SPRED1: variants seen among roughly 807,000 people sequenced by gnomAD.
The protein encoded by SPRED1 is sprouty-related, EVH1 domain-containing protein 1.
A neutral mutation model predicts 52.3 loss-of-function variants in SPRED1; 18 were observed. The ratio of observed to expected loss-of-function variants is 0.34; its 90% CI spans 0.24 to 0.51. The LOEUF (loss-of-function observed/expected upper bound fraction) is 0.51, where lower values mean the gene tolerates loss of function less well. SPRED1 is among the 20% of genes least tolerant of loss of function. The pLI, the probability that SPRED1 is intolerant of heterozygous loss-of-function variation, is 0.97. For missense variants in SPRED1, 485 were observed against 551.0 expected (o/e 0.88, Z 1.20); for synonymous variants, 155 against 179.7 (o/e 0.86, Z 1.10).
At chr15:38,253,285 C>A in intron 1 of SPRED1, 68 bp downstream of exon 1, 2 of 1,476,614 alleles carry the variant, frequency 1.4e-6, no homozygotes, top group East Asian at 2.5e-5. Context: ...TCCCCCAGAC[C>A]CATCCGAAAC....
chr15:38,260,344 T>C lies in SPRED1; in HGVS notation c.32+7127T>C, dbSNP rs1042469542. Among the ~76,000 whole-genome samples the C allele has an allele frequency of 7.9e-5, 12 of 152,342 alleles. No individual in the cohort carries two copies. The East Asian group carries it at 2.3e-3, about 29-fold the overall frequency. On this transcript the variant is annotated intron_variant, in intron 1 of 6. Transcript: ENST00000299084. ...CATCATCACATGGCGGTGTTCTCCC[T>C]GTGTGTTTCTATCTTCATTTGAGTG... is the stretch of plus-strand genomic sequence containing the variant.
At chr15:38,309,215 G>T (rs1240791725) in intron 2 of SPRED1, among the ~76,000 whole-genome samples, 1 of 151,920 alleles carries the variant, frequency 6.6e-6, no homozygotes, top group East Asian at 1.9e-4. Context: ...ATCTTGGCTC[G>T]CTACAACCTC....
chr15:38,348,679 A>C (rs1379159431), intron 5 of SPRED1, among the ~76,000 whole-genome samples: 1 of 152,138 alleles, frequency 6.6e-6, no homozygotes, highest in Non-Finnish European at 1.5e-5. Flanking sequence ...AGAAGTAAAC[A>C]AGATTGCCAA....
intron 2 of SPRED1, among the ~76,000 whole-genome samples, chr15:38,318,669 A>T (rs999384179): frequency 6.6e-6 from 1 of 152,148 alleles, no homozygotes; most frequent in Non-Finnish European, 1.5e-5. Context: ...CCCTCTTATA[A>T]GTAAGAACAT....
In SPRED1 at chr15:38,351,585, G is replaced by A; in HGVS notation, c.1256G>A (p.Cys419Tyr). The change falls in exon 7 of 7, where the codon TGC becomes TAC. Residue 419 changes from cysteine to tyrosine, a missense_variant. Physicochemically the swap from Cys to Tyr is radical, Grantham distance 194. Transcript: ENST00000299084. ...ALSFIVPCMCCYVPLRMCHRC... is the reference protein window; with the variant it reads ...ALSFIVPCMCYYVPLRMCHRC... ...TCTTTCATTGTACCATGTATGTGCTGCTACGTCCCTTTGAGAATGTGCCAT... is the reference window on the plus strand; with the variant it reads ...TCTTTCATTGTACCATGTATGTGCTACTACGTCCCTTTGAGAATGTGCCAT... 2 of 1,614,154 alleles carry A rather than the reference G, an allele frequency of 1.2e-6. No homozygotes were observed. The highest frequency in any genetic ancestry group is 4.5e-5 in the East Asian group (2 of 44,886).
chr15:38,353,977 G>C lies in SPRED1; in HGVS notation c.*2313G>C, dbSNP rs867957628. 6.6e-6 allele frequency: 1 copy of C among 152,552 alleles called. No individual in the cohort carries two copies. The highest frequency in any genetic ancestry group is 1.5e-5 in the Non-Finnish European group (1 of 67,988). The allele number at this position is 152,552 out of a possible 1,614,324, so 9.4% of individuals were successfully genotyped here. On this transcript the variant is annotated 3_prime_UTR_variant, in exon 7 of 7. Transcript: ENST00000299084. ...ATTTGTTTAACCACTTTGCTGCTAA[G>C]ATTTTGCCGTCCCATTCCCATTTTT...
chr15:38,320,120 A>T (rs183878273), intron 2 of SPRED1, among the ~76,000 whole-genome samples: 1 of 152,242 alleles, frequency 6.6e-6, no homozygotes, highest in Non-Finnish European at 1.5e-5. Context: ...TTTTAATGCA[A>T]TTTATTTCAT....
In SPRED1 at chr15:38,352,216, T is replaced by C. The variant is rs950058972; in HGVS notation, c.*552T>C. 1.9e-5 allele frequency: 3 copies of C among 154,586 alleles called. No homozygotes were observed. Among genetic ancestry groups the C allele is most frequent in the African/African-American group, 7.3e-5 (3 of 41,238 alleles). The allele number at this position is 154,586 out of a possible 1,614,324, so 9.6% of individuals were successfully genotyped here. A position where few individuals can be genotyped will look rare whatever the true frequency, so the allele number is the denominator to read the frequency against. The stretch of plus-strand genomic sequence containing the variant: ...TACGAATTATTACATATTAAACTTT[T>C]CTTCCCCTTCCTAGTTCTGAAGTAG... On this transcript the variant is annotated 3_prime_UTR_variant, in exon 7 of 7. Transcript: ENST00000299084.
chr15:38,254,380 C>G (rs966475117), intron 1 of SPRED1, among the ~76,000 whole-genome samples: 7 of 152,308 alleles, frequency 4.6e-5, no homozygotes, highest in Middle Eastern at 3.4e-3. Context: ...CCAAAACACA[C>G]GCTTCTGCTG....
chr15:38,284,766 C>A (rs1894769816), intron 1 of SPRED1, among the ~76,000 whole-genome samples: 2 of 151,732 alleles, frequency 1.3e-5, no homozygotes, highest in Non-Finnish European at 2.9e-5. Flanking sequence ...TTGTTGTTAT[C>A]ACCTACTAAA....
At chr15:38,305,354 A>AT (rs1895231872) in intron 2 of SPRED1, among the ~76,000 whole-genome samples, 3 of 50,362 alleles carry the variant, frequency 6.0e-5, no homozygotes, top group Admixed American at 4.4e-4. Flanking sequence ...AAAAAAAAAA[A>AT]CTTTTTTTTT....
intron 6 of SPRED1, among the ~76,000 whole-genome samples, chr15:38,350,648 G>T (rs554191538): frequency 1.3e-5 from 2 of 152,092 alleles, no homozygotes; most frequent in Non-Finnish European, 2.9e-5. Context: ...ATCAAGTGTG[G>T]GTAAGTGGCT....
At chr15:38,325,483 A>C (rs888075291) in intron 4 of SPRED1, among the ~76,000 whole-genome samples, 4 of 151,918 alleles carry the variant, frequency 2.6e-5, no homozygotes, top group African/African-American at 9.7e-5. Context: ...AGTGGTTCAT[A>C]AGATTGTGGG....
At chr15:38,258,632 T>G (rs1051531879) in intron 1 of SPRED1, among the ~76,000 whole-genome samples, 1 of 152,202 alleles carries the variant, frequency 6.6e-6, no homozygotes, top group African/African-American at 2.4e-5. Context: ...CTTTGAAATG[T>G]CTGTACAGTT....
chr15:38,356,446 A>G lies in SPRED1; in HGVS notation c.*4782A>G, dbSNP rs1056709290. On this transcript the variant is annotated 3_prime_UTR_variant, in exon 7 of 7. Transcript: ENST00000299084. Reference sequence around the variant, plus strand: ...CTGGAATTACCTGATTAAACCTGTCATGAATTATAAAAGGACTTTTTCTTA... The same window carrying G: ...CTGGAATTACCTGATTAAACCTGTCGTGAATTATAAAAGGACTTTTTCTTA... The G allele has an allele frequency of 6.6e-6, 1 of 152,146 alleles. No homozygotes were observed. Among genetic ancestry groups the G allele is most frequent in the African/African-American group, 2.4e-5 (1 of 41,456 alleles). 9.4% of individuals were successfully genotyped at this position (152,146 alleles called of 1,614,324 possible). A position where few individuals can be genotyped will look rare whatever the true frequency, so the allele number is the denominator to read the frequency against.
At chr15:38,310,702 A>AT (rs1469540252) in intron 2 of SPRED1, among the ~76,000 whole-genome samples, 1 of 152,106 alleles carries the variant, frequency 6.6e-6, no homozygotes, top group Admixed American at 6.5e-5. Flanking sequence ...TGTTTTGTTA[A>AT]TTGTATACCT....
At chr15:38,350,244 G>T (rs562201092) in intron 6 of SPRED1, among the ~76,000 whole-genome samples, 9 of 152,248 alleles carry the variant, frequency 5.9e-5, no homozygotes, top group Non-Finnish European at 7.4e-5. Flanking sequence ...TTCTTGGCTT[G>T]CAGGTAGCTG....
At chr15:38,336,522 T>C (rs893374892) in intron 4 of SPRED1, among the ~76,000 whole-genome samples, 1 of 149,078 alleles carries the variant, frequency 6.7e-6, no homozygotes, top group Non-Finnish European at 1.5e-5. Flanking sequence ...CTGGAACAAA[T>C]ACATTTCCTG....
At chr15:38,349,881 G>A (rs750291113) in intron 6 of SPRED1, among the ~76,000 whole-genome samples, 67 of 152,268 alleles carry the variant, frequency 4.4e-4, no homozygotes, top group Non-Finnish European at 7.9e-4. Context: ...ATGCTTACTT[G>A]TAGTAGACTA....
Sources: gnomAD v4.1 joint callset for allele counts (sites outside exome capture counted in the v4.1 genomes callset) on GRCh38, gnomAD v4.1.1 for gene constraint, MANE v1.5 for transcripts, NCBI Gene and HGNC (gene_info 2026-07-23, HGNC 2026-07-21) for gene names.